The following EVL variants were observed in gnomAD, a reference collection of about 807,000 sequenced individuals.
The protein encoded by EVL is Enah/Vasp-like.
A neutral mutation model predicts 59.6 loss-of-function variants in EVL; 21 were observed. That is an observed-to-expected ratio of 0.35 (90% CI 0.25 to 0.51). EVL has a LOEUF of 0.51. Ranked by LOEUF, EVL falls within the 20% of genes least tolerant of loss-of-function variation. The pLI is 0.97. For synonymous variants in EVL, 198 were observed against 203.5 expected (o/e 0.97, Z 0.23); for missense variants, 462 against 546.6 (o/e 0.85, Z 1.54).
At chr14:100,096,265 A>ACACAGT (rs1885807481) in intron 2 of EVL, among the ~76,000 whole-genome samples, 1 of 152,224 alleles carries the variant, frequency 6.6e-6, no homozygotes, top group Non-Finnish European at 1.5e-5. Flanking sequence ...ACCTCAGATC[A>ACACAGT]CACAGTCCTT....
chr14:100,084,442 C>G (rs558377940), intron 1 of EVL, among the ~76,000 whole-genome samples: 3 of 152,260 alleles, frequency 2.0e-5, no homozygotes, highest in African/African-American at 7.2e-5. Context: ...CCCCTGAAAA[C>G]AAAGTTGTGA....
chr14:100,044,416 A>G (rs997535434), intron 1 of EVL, among the ~76,000 whole-genome samples: 3 of 152,244 alleles, frequency 2.0e-5, no homozygotes, highest in Admixed American at 1.3e-4. Flanking sequence ...AACAACGAGA[A>G]CAATAAACCC....
chr14:100,010,683 C>CT (rs1390016877), intron 1 of EVL, among the ~76,000 whole-genome samples: 3 of 152,216 alleles, frequency 2.0e-5, no homozygotes, highest in Non-Finnish European at 4.4e-5. Flanking sequence ...AGGCGTTGAG[C>CT]CACTGTGCCC....
chr14:100,063,517 G>T (rs115976239), upstream of EVL, among the ~76,000 whole-genome samples: 824 of 152,294 alleles, frequency 5.4e-3, 7 homozygotes, highest in African/African-American at 0.019. Flanking sequence ...GAAAACCAAT[G>T]CTGCATGGAA....
chr14:100,081,458 A>G (rs540988773), intron 1 of EVL, among the ~76,000 whole-genome samples: 1 of 152,086 alleles, frequency 6.6e-6, no homozygotes, highest in East Asian at 1.9e-4. Context: ...GTGGGGGGAA[A>G]CCAGGGGTTT....
chr14:100,001,451 G>A (rs535800137), intron 1 of EVL, among the ~76,000 whole-genome samples: 9 of 152,102 alleles, frequency 5.9e-5, no homozygotes, highest in South Asian at 4.1e-4. Flanking sequence ...CCAGTTTCCC[G>A]TTTTTACTAA....
chr14:100,122,896 C>G (rs561600742), intron 3 of EVL, among the ~76,000 whole-genome samples: 3 of 152,280 alleles, frequency 2.0e-5, no homozygotes, highest in African/African-American at 7.2e-5. Context: ...CAGGGTGTGG[C>G]CAGAAAGTTC....
intron 3 of EVL, among the ~76,000 whole-genome samples, chr14:100,104,295 T>C (rs1008156874): frequency 2.0e-5 from 3 of 152,272 alleles, no homozygotes; most frequent in African/African-American, 7.2e-5. Context: ...CAGGCAGACC[T>C]TCAGCCGTTA....
At chr14:100,014,967 C>G (rs553761811) in intron 1 of EVL, among the ~76,000 whole-genome samples, 1 of 152,234 alleles carries the variant, frequency 6.6e-6, no homozygotes, top group Non-Finnish European at 1.5e-5. Context: ...CCTTCTGTTT[C>G]ATCTCCACAC....
rs143887347 is a variant in EVL, at chr14:100,058,481, G to A, written c.6-26206G>A. Among the ~76,000 whole-genome samples the A allele has an allele frequency of 1.9e-3, 290 of 152,236 alleles. 1 individual carries two copies. The highest frequency in any genetic ancestry group is 6.6e-3 in the African/African-American group (275 of 41,534). On this transcript the variant is annotated intron_variant, in intron 1 of 13. Transcript: ENST00000402714. ...TACCAGGTGCTGAGCGCAATTCATG[G>A]TTTCACATTATAAGATGCTACCTCA...
chr14:100,021,872 A>G (rs2061130697), intron 1 of EVL, among the ~76,000 whole-genome samples: 1 of 152,112 alleles, frequency 6.6e-6, no homozygotes, highest in Non-Finnish European at 1.5e-5. Context: ...GGTCAAGGAC[A>G]GGTAGGTGAA....
intron 1 of EVL, among the ~76,000 whole-genome samples, chr14:100,059,416 G>A (rs1040769766): frequency 6.6e-6 from 1 of 152,212 alleles, no homozygotes; most frequent in African/African-American, 2.4e-5. Context: ...ACTTTGCAGG[G>A]CAAGGAACTA....
At position 100,141,211 on chromosome 14, in the gene EVL, G is replaced by A. The variant is rs1161985236; in HGVS notation, c.1126G>A (p.Ala376Thr). 1.2e-6 allele frequency: 2 copies of A among 1,613,886 alleles called. No homozygotes were observed. The highest frequency in any genetic ancestry group is 1.3e-5 in the African/African-American group (1 of 75,054). The change falls in exon 12 of 14, where the codon GCC (alanine) becomes ACC (threonine). Residue 376 changes from alanine (A) to threonine (T), a missense_variant. Transcript: ENST00000392920. ...GCCTGCTGGGAGCGTGAATGACATG[G>A]CCCTGGATGCCTTCGACTTGGACCG... ...MKPAGSVNDM[A>T]LDAFDLDRMK...
At chr14:100,019,828 A>G in intron 1 of EVL, 1 of 817,876 alleles carries the variant, frequency 1.2e-6, no homozygotes, top group South Asian at 1.8e-5. Flanking sequence ...GGTTTATCCC[A>G]GTCATGGGGG....
At chr14:100,085,647 T>C (rs942490668) in intron 2 of EVL, among the ~76,000 whole-genome samples, 1 of 152,356 alleles carries the variant, frequency 6.6e-6, no homozygotes, top group African/African-American at 2.4e-5. Flanking sequence ...TTCAGCTAAG[T>C]TGAGCAGCAG....
Position 100,096,686 on chromosome 14 carries a change from A to C in EVL, c.181-795A>C, listed in dbSNP as rs1005535130. Among the ~76,000 whole-genome samples the C allele has an allele frequency of 7.9e-5, 12 of 152,234 alleles. 1 individual carries two copies. The highest frequency in any genetic ancestry group is 2.6e-4 in the Admixed American group (4 of 15,282). On this transcript the variant is annotated intron_variant, in intron 2 of 13. Transcript: ENST00000392920. ...GCACGACTTAGGAATATAGTCTTAA[A>C]GTACTTTGAAATAATCTTCTTTTAA... is the stretch of plus-strand genomic sequence containing the variant.
chr14:100,113,089 C>T (rs547713282), intron 3 of EVL, among the ~76,000 whole-genome samples: 3 of 152,260 alleles, frequency 2.0e-5, no homozygotes, highest in South Asian at 2.1e-4. Flanking sequence ...GCCCTGGGGG[C>T]GGGCATGCCT....
At chr14:100,030,201 C>T (rs1241284457) in intron 1 of EVL, among the ~76,000 whole-genome samples, 4 of 151,650 alleles carry the variant, frequency 2.6e-5, no homozygotes, top group African/African-American at 9.7e-5. Context: ...CAGTAATTCA[C>T]CTACCGCAGC....
chr14:100,137,240 A>C, intron 9 of EVL: 1 of 357,366 alleles, frequency 2.8e-6, no homozygotes, highest in Middle Eastern at 8.3e-4. Flanking sequence ...GCCACACCAC[A>C]CGTGGGAGCA....
Sources: allele counts gnomAD v4.1 joint callset (sites outside exome capture counted in the v4.1 genomes callset), GRCh38; gene constraint gnomAD v4.1.1; transcripts MANE v1.5; gene names NCBI Gene and HGNC (gene_info 2026-07-23, HGNC 2026-07-21).